Variants in NRG3 observed in about 807,000 individuals in gnomAD.
NRG3 encodes the protein pro-neuregulin-3, membrane-bound isoform.
In NRG3, 31 loss-of-function variants were observed where a neutral mutation model predicts 66.9. The observed-to-expected ratio is 0.46, with a 90% CI of 0.35 to 0.63. The LOEUF (loss-of-function observed/expected upper bound fraction) is 0.63. Ranked by LOEUF, NRG3 falls within the 20% of genes least tolerant of loss-of-function variation. NRG3 has a pLI of 0.00. For missense variants in NRG3, 910 were observed against 878.9 expected (o/e 1.04, Z -0.45); for synonymous variants, 393 against 359.4 (o/e 1.09, Z -1.06).
intron 4 of NRG3, among the ~76,000 whole-genome samples, chr10:82,881,687 T>G (rs1184497371): frequency 6.6e-6 from 1 of 152,230 alleles, no homozygotes; most frequent in Non-Finnish European, 1.5e-5. Flanking sequence ...ACATGGGCTA[T>G]CTGCCTAGCT....
intron 2 of NRG3, among the ~76,000 whole-genome samples, chr10:82,525,729 ATAGAAC>A (rs1465184510): frequency 1.3e-5 from 2 of 151,946 alleles, no homozygotes; most frequent in African/African-American, 2.4e-5. Flanking sequence ...ACAGCAAGAA[ATAGAAC>A]TAGAAAGAAT....
Position 82,641,819 on chromosome 10 carries a change from G to GT in NRG3, c.954-96754dup, listed in dbSNP as rs201931957. Reference sequence around the variant, plus strand: ...CTAATAAATAGAAGGAAAGAAGAAGGTTTTATCCTGTTTTAAATTGTCTTT... The same window carrying GT: ...CTAATAAATAGAAGGAAAGAAGAAGGTTTTTATCCTGTTTTAAATTGTCTTT... On this transcript the variant is annotated intron_variant, in intron 2 of 8. Coordinates refer to ENST00000372141, the MANE Select transcript of NRG3 (RefSeq NM_001010848.4). 7.6e-3 allele frequency among the ~76,000 whole-genome samples: 1,160 copies of GT among 152,026 alleles called. 16 individuals are homozygous for GT. The highest frequency in any genetic ancestry group is 0.026 in the African/African-American group (1,082 of 41,434).
intron 2 of NRG3, among the ~76,000 whole-genome samples, chr10:82,383,803 G>A (rs1282779549): frequency 1.3e-5 from 2 of 151,748 alleles, no homozygotes; most frequent in African/African-American, 2.4e-5. Context: ...TTTTCACAAT[G>A]GTTAAATAAA....
intron 2 of NRG3, among the ~76,000 whole-genome samples, chr10:82,460,148 T>C (rs1046887693): frequency 6.6e-6 from 1 of 152,204 alleles, no homozygotes; most frequent in Non-Finnish European, 1.5e-5. Flanking sequence ...ATTTTTCTTA[T>C]GTGTAAAACA....
Position 82,470,009 on chromosome 10 carries a change from C to T in NRG3, c.953+111141C>T, listed in dbSNP as rs553274700. ...GTACAAAAAACTTGCCGTGTTTCTA[C>T]TTTTCCAGACTGTAGAAGAGGGAAG... On this transcript the variant is annotated intron_variant, in intron 2 of 8. Transcript: ENST00000372141. Among the ~76,000 whole-genome samples, 5 of 152,228 alleles carry T rather than the reference C, an allele frequency of 3.3e-5. No homozygotes were observed. The South Asian group carries it at 1.0e-3, about 32-fold the overall frequency.
At chr10:82,442,458 G>T (rs1191208217) in intron 2 of NRG3, among the ~76,000 whole-genome samples, 1 of 152,184 alleles carries the variant, frequency 6.6e-6, no homozygotes, top group African/African-American at 2.4e-5. Flanking sequence ...AGTTAATAAG[G>T]CAAAGGATGG....
At position 82,088,302 on chromosome 10, in the gene NRG3, A is replaced by G. The variant is rs139583738; in HGVS notation, c.823+212139A>G. 5.3e-5 allele frequency among the ~76,000 whole-genome samples: 8 copies of G among 152,198 alleles called. No homozygotes were observed. In the East Asian group the frequency reaches 1.5e-3, roughly 29 times the overall value. Reference sequence around the variant, plus strand: ...ACTGTGATTTCTCTCACTTTTCACTAAGAGTACTACTCAATACCCAACTTG... The same window carrying G: ...ACTGTGATTTCTCTCACTTTTCACTGAGAGTACTACTCAATACCCAACTTG... On this transcript the variant is annotated intron_variant, in intron 1 of 8. Coordinates refer to ENST00000372141, the MANE Select transcript of NRG3 (RefSeq NM_001010848.4).
chr10:82,564,661 G>A (rs1169117240), intron 2 of NRG3, among the ~76,000 whole-genome samples: 2 of 152,048 alleles, frequency 1.3e-5, no homozygotes, highest in Non-Finnish European at 2.9e-5. Context: ...TAAGATTCCA[G>A]GTGAATCCGG....
intron 4 of NRG3, among the ~76,000 whole-genome samples, chr10:82,902,096 A>G (rs1036789400): frequency 3.3e-5 from 5 of 152,186 alleles, no homozygotes; most frequent in Non-Finnish European, 4.4e-5. Context: ...ATTATTGCAT[A>G]TATTTCATAT....
intron 3 of NRG3, among the ~76,000 whole-genome samples, chr10:82,778,312 A>G (rs1408581152): frequency 6.6e-6 from 1 of 152,190 alleles, no homozygotes; most frequent in Non-Finnish European, 1.5e-5. Context: ...AACTGCTATG[A>G]AGAAATCCCT....
intron 1 of NRG3, among the ~76,000 whole-genome samples, chr10:82,270,427 T>C (rs536433736): frequency 6.6e-6 from 1 of 152,264 alleles, no homozygotes; most frequent in African/African-American, 2.4e-5. Context: ...TTTGGGACTT[T>C]CCTTGTACTG....
chr10:82,544,572 T>C (rs2043763216), intron 2 of NRG3, among the ~76,000 whole-genome samples: 1 of 152,186 alleles, frequency 6.6e-6, no homozygotes, highest in Admixed American at 6.5e-5. Context: ...ACTTGTCCTC[T>C]TCTTTACCCT....
At chr10:82,390,323 A>C (rs907028013) in intron 2 of NRG3, among the ~76,000 whole-genome samples, 1 of 151,584 alleles carries the variant, frequency 6.6e-6, no homozygotes, top group East Asian at 2.0e-4. Context: ...GTTAAAGTCA[A>C]GTTTGTTTGT....
chr10:82,047,852 C>A (rs1334160217), intron 1 of NRG3, among the ~76,000 whole-genome samples: 1 of 151,998 alleles, frequency 6.6e-6, no homozygotes, highest in Non-Finnish European at 1.5e-5. Flanking sequence ...TTCAGGAAAC[C>A]CATCTCACAT....
rs147829720 is a variant in NRG3 at position 82,503,992 on chromosome 10, T to G, written c.953+145124T>G. On this transcript the variant is annotated intron_variant, in intron 2 of 8. Coordinates refer to ENST00000372141, the MANE Select transcript of NRG3 (RefSeq NM_001010848.4). ...TTAAATGGAAAAAAAATGCCACTCT[T>G]ACTTCTCAGTTTGCTCTGAATATGC... is the stretch of plus-strand genomic sequence containing the variant. Among the ~76,000 whole-genome samples, 574 of 152,320 alleles carry G rather than the reference T, an allele frequency of 3.8e-3. 1 individual carries two copies. Among genetic ancestry groups the G allele is most frequent in the African/African-American group, 0.013 (543 of 41,568 alleles).
intron 4 of NRG3, among the ~76,000 whole-genome samples, chr10:82,895,172 T>C (rs73309590): frequency 0.047 from 7,120 of 152,288 alleles, 211 homozygotes; most frequent in Middle Eastern, 0.1. Context: ...GATTCATTTC[T>C]ATCATGGCAA....
chr10:82,680,043 A>G (rs2054000073), intron 2 of NRG3, among the ~76,000 whole-genome samples: 1 of 152,202 alleles, frequency 6.6e-6, no homozygotes, highest in South Asian at 2.1e-4. Context: ...GATGGGAAGC[A>G]TTATCCATGT....
chr10:82,841,328 T>G (rs1437035488), intron 3 of NRG3, among the ~76,000 whole-genome samples: 1 of 152,216 alleles, frequency 6.6e-6, no homozygotes, highest in East Asian at 1.9e-4. Context: ...TCATTACACC[T>G]GCCCTGGGAA....
At chr10:82,049,657 C>A (rs1429523076) in intron 1 of NRG3, among the ~76,000 whole-genome samples, 1 of 151,964 alleles carries the variant, frequency 6.6e-6, no homozygotes, top group East Asian at 1.9e-4. Context: ...GAGAAAAGCC[C>A]ATTCCAAACC....
Sources: allele counts gnomAD v4.1 joint callset (sites outside exome capture counted in the v4.1 genomes callset), GRCh38; gene constraint gnomAD v4.1.1; transcripts MANE v1.5; gene names NCBI Gene and HGNC (gene_info 2026-07-23, HGNC 2026-07-21).